The following CLIC6 variants were observed in gnomAD, a reference collection of about 807,000 sequenced individuals.
CLIC6 encodes CLIC family member 6, also known as chloride intracellular channel protein 6.
Under a neutral mutation model 49.2 loss-of-function variants are expected in CLIC6, and 39 were observed. The observed-to-expected ratio is 0.79, with a 90% CI of 0.61 to 1.04. The LOEUF (loss-of-function observed/expected upper bound fraction) is 1.04. CLIC6 is among the 50% of genes least tolerant of loss of function. The probability of loss-of-function intolerance (pLI) is 0.00; values close to 1 mark genes in which losing one functional copy is unlikely to be tolerated. For missense variants in CLIC6, 988 were observed against 993.1 expected, an observed-to-expected ratio of 0.99 and a Z score of 0.07; for synonymous variants, 446 against 433.4, an observed-to-expected ratio of 1.03 and a Z score of -0.36.
chr21:34,675,173 C>A (rs1421444311), intron 1 of CLIC6, among the ~76,000 whole-genome samples: 2 of 151,520 alleles, frequency 1.3e-5, no homozygotes, highest in Non-Finnish European at 2.9e-5. Context: ...TGAAACTGAC[C>A]CGATGAAACA....
At chr21:34,702,188 C>T (rs1414358978) in intron 1 of CLIC6, among the ~76,000 whole-genome samples, 1 of 152,088 alleles carries the variant, frequency 6.6e-6, no homozygotes, top group Non-Finnish European at 1.5e-5. Flanking sequence ...CTGTTGACTC[C>T]GGAAACCCTC....
At chr21:34,702,174 G>A (rs1019498238) in intron 1 of CLIC6, among the ~76,000 whole-genome samples, 1 of 152,134 alleles carries the variant, frequency 6.6e-6, no homozygotes, top group Non-Finnish European at 1.5e-5. Flanking sequence ...CCGAAGATGG[G>A]GGGCTGTTGA....
At chr21:34,670,907 G>A (rs1989551419) in intron 1 of CLIC6, 145 bp downstream of exon 1, 1 of 938,332 alleles carries the variant, frequency 1.1e-6, no homozygotes, top group Non-Finnish European at 1.5e-6. Flanking sequence ...GCGGTAGGCG[G>A]GACAGCCGGG....
At chr21:34,690,583 G>A (rs1193133251) in intron 1 of CLIC6, among the ~76,000 whole-genome samples, 1 of 152,140 alleles carries the variant, frequency 6.6e-6, no homozygotes, top group African/African-American at 2.4e-5. Flanking sequence ...TTGTTCATCT[G>A]CAGGTGGCAG....
chr21:34,673,308 G>C (rs1332211271), intron 1 of CLIC6, among the ~76,000 whole-genome samples: 5 of 150,492 alleles, frequency 3.3e-5, no homozygotes, highest in African/African-American at 1.2e-4. Flanking sequence ...TTTTTTAATT[G>C]AGACAGGTTC....
intron 1 of CLIC6, among the ~76,000 whole-genome samples, chr21:34,699,660 T>A (rs970069665): frequency 1.3e-5 from 2 of 152,192 alleles, no homozygotes; most frequent in Non-Finnish European, 2.9e-5. Context: ...AGTTTGTTCC[T>A]CCTGCATCTT....
chr21:34,673,030 G>T (rs1352989359), intron 1 of CLIC6, among the ~76,000 whole-genome samples: 1 of 152,108 alleles, frequency 6.6e-6, no homozygotes, highest in African/African-American at 2.4e-5. Context: ...TATTTTTAGG[G>T]AAAATCCCTC....
chr21:34,700,819 T>C (rs1341194580), intron 1 of CLIC6, among the ~76,000 whole-genome samples: 1 of 139,914 alleles, frequency 7.1e-6, no homozygotes, highest in Non-Finnish European at 1.5e-5. Flanking sequence ...GAAGCAGTTC[T>C]CTGGACGCTT....
intron 5 of CLIC6, among the ~76,000 whole-genome samples, chr21:34,713,698 A>G (rs192459708): frequency 5.4e-4 from 82 of 152,326 alleles, no homozygotes; most frequent in Middle Eastern, 3.4e-3. Context: ...AGAAAACGAG[A>G]GAATGTTCAA....
chr21:34,671,700 T>A (rs1601256403), intron 1 of CLIC6, among the ~76,000 whole-genome samples: 1 of 152,346 alleles, frequency 6.6e-6, no homozygotes, highest in Middle Eastern at 3.4e-3. Context: ...TGTTGAATCA[T>A]AATCCTTCAG....
chr21:34,691,354 T>C (rs183766778), intron 1 of CLIC6, among the ~76,000 whole-genome samples: 46 of 152,294 alleles, frequency 3.0e-4, no homozygotes, highest in African/African-American at 1.1e-3. Context: ...TTTTTGATTC[T>C]GACCCTGATT....
At chr21:34,674,507 T>C (rs1161793042) in intron 1 of CLIC6, among the ~76,000 whole-genome samples, 1 of 152,220 alleles carries the variant, frequency 6.6e-6, no homozygotes, top group Non-Finnish European at 1.5e-5. Flanking sequence ...TAATTAGCCA[T>C]CTAATATATT....
intron 1 of CLIC6, among the ~76,000 whole-genome samples, chr21:34,691,164 G>T (rs1989985769): frequency 6.6e-6 from 1 of 152,122 alleles, no homozygotes; most frequent in African/African-American, 2.4e-5. Flanking sequence ...CACTGACATA[G>T]AACTTTCAAG....
chr21:34,697,558 T>A (rs1990109763), intron 1 of CLIC6, among the ~76,000 whole-genome samples: 1 of 152,224 alleles, frequency 6.6e-6, no homozygotes, highest in South Asian at 2.1e-4. Flanking sequence ...AAAGGCCTGC[T>A]TCTTGGTGAG....
chr21:34,690,115 C>A (rs911344477), intron 1 of CLIC6, among the ~76,000 whole-genome samples: 1 of 152,156 alleles, frequency 6.6e-6, no homozygotes, highest in African/African-American at 2.4e-5. Context: ...CTTGTATATT[C>A]CCTGACAAAG....
intron 1 of CLIC6, chr21:34,706,015 T>C: frequency 1.5e-6 from 1 of 679,162 alleles, no homozygotes; most frequent in Non-Finnish European, 2.7e-6. Context: ...CATTCTTTTC[T>C]TTTGTATTTA....
At chr21:34,696,187 A>T (rs139290103) in intron 1 of CLIC6, among the ~76,000 whole-genome samples, 2 of 151,966 alleles carry the variant, frequency 1.3e-5, no homozygotes, top group Non-Finnish European at 2.9e-5. Context: ...GACCCCCCCC[A>T]TCCCTGGCCT....
At chr21:34,715,294 T>C (rs2056079852) in intron 5 of CLIC6, among the ~76,000 whole-genome samples, 1 of 152,154 alleles carries the variant, frequency 6.6e-6, no homozygotes, top group Admixed American at 6.5e-5. Flanking sequence ...AAAAATAGGA[T>C]CTTTGCAGAT....
chr21:34,708,380 T>C (rs748421744), intron 3 of CLIC6, among the ~76,000 whole-genome samples: 36 of 152,084 alleles, frequency 2.4e-4, no homozygotes, highest in Admixed American at 3.9e-4. Flanking sequence ...GTATCATGGA[T>C]TTTTGGACCT....
Sources: gnomAD v4.1 joint callset for allele counts (sites outside exome capture counted in the v4.1 genomes callset) on GRCh38, gnomAD v4.1.1 for gene constraint, MANE v1.5 for transcripts, NCBI Gene and HGNC (gene_info 2026-07-23, HGNC 2026-07-21) for gene names.